AKAP7: variants seen among roughly 807,000 people sequenced by gnomAD.
The protein encoded by AKAP7 is A-kinase anchoring protein 7, also known as A kinase (PRKA) anchor protein 7.
A neutral mutation model predicts 39.5 loss-of-function variants in AKAP7; 39 were observed. The ratio of observed to expected loss-of-function variants is 0.99; its 90% confidence interval spans 0.76 to 1.29. The LOEUF is 1.29. AKAP7 is among the 50% of genes most tolerant of loss of function. The pLI is 0.00. For synonymous variants in AKAP7, 140 were observed against 139.1 expected (o/e 1.01, Z -0.05); for missense variants, 414 against 407.7 (o/e 1.02, Z -0.13).
Position 131,282,399 on chromosome 6 carries a change from G to C in AKAP7, c.*673G>C, listed in dbSNP as rs1164525344. 2.2e-5 allele frequency: 33 copies of C among 1,467,034 alleles called. No homozygotes were observed. The highest frequency in any genetic ancestry group is 3.0e-5 in the Non-Finnish European group (33 of 1,111,550). 90.9% of individuals were successfully genotyped at this position (1,467,034 alleles called of 1,614,324 possible). On this transcript the variant is annotated 3_prime_UTR_variant, in exon 8 of 8. Transcript: ENST00000431975. ...TTATTATATAATTTTTTTTTCTTAGGCAAGAAACCTATTGGAATTCGAGAC... is the reference window on the plus strand; with the variant it reads ...TTATTATATAATTTTTTTTTCTTAGCCAAGAAACCTATTGGAATTCGAGAC...
intron 5 of AKAP7, 134 bp from the exon 6 acceptor site, chr6:131,199,327 A>G: frequency 3.2e-6 from 2 of 616,362 alleles, no homozygotes; most frequent in Admixed American, 3.2e-5. Context: ...TAAAGAAAAT[A>G]TCTGAAGCAG....
intron 5 of AKAP7, chr6:131,185,145 C>CT (rs1805703359): frequency 5.1e-6 from 3 of 588,310 alleles, no homozygotes; most frequent in Non-Finnish European, 9.9e-6. Context: ...TAAACTGCTG[C>CT]TGTCCTGAGA....
At chr6:131,199,352 C>T in intron 5 of AKAP7, 109 bp from the exon 6 acceptor site, 1 of 722,754 alleles carries the variant, frequency 1.4e-6, no homozygotes, top group Non-Finnish European at 2.3e-6. Flanking sequence ...ATAAAGTAAT[C>T]TTCACTGTAA....
intron 2 of AKAP7, among the ~76,000 whole-genome samples, chr6:131,155,649 T>C (rs1802353385): frequency 6.6e-6 from 1 of 152,246 alleles, no homozygotes; most frequent in Non-Finnish European, 1.5e-5. Flanking sequence ...GAATAAATGC[T>C]TGACTTTTTT....
intron 6 of AKAP7, among the ~76,000 whole-genome samples, chr6:131,211,853 G>A (rs143058581): frequency 5.7e-4 from 87 of 151,832 alleles, no homozygotes; most frequent in African/African-American, 2.1e-3. Flanking sequence ...TTATGATAGG[G>A]TTACATTCTG....
At chr6:131,129,440 G>A in the AKAP7 span, among the ~76,000 whole-genome samples, 1 of 152,082 alleles carries the variant, frequency 6.6e-6, no homozygotes, top group East Asian at 1.9e-4. Flanking sequence ...ATATGCTGCA[G>A]GAGTATGTGT....
intron 6 of AKAP7, among the ~76,000 whole-genome samples, chr6:131,202,721 G>A (rs1288381218): frequency 6.6e-6 from 1 of 151,160 alleles, no homozygotes; most frequent in African/African-American, 2.4e-5. Flanking sequence ...TAACTAACCT[G>A]CACATTGTGC....
At chr6:131,151,380 G>A (rs1376336697) in intron 2 of AKAP7, among the ~76,000 whole-genome samples, 1 of 130,356 alleles carries the variant, frequency 7.7e-6, no homozygotes, top group Non-Finnish European at 1.6e-5. Flanking sequence ...GAGAAGGTAA[G>A]GTTTTTTTTT....
intron 5 of AKAP7, among the ~76,000 whole-genome samples, chr6:131,180,136 GA>G (rs1805017117): frequency 6.6e-6 from 1 of 152,170 alleles, no homozygotes; most frequent in Non-Finnish European, 1.5e-5. Context: ...CTGAGGCTGG[GA>G]TCTGCTCACT....
At chr6:131,150,910 G>T (rs1329211148) in intron 2 of AKAP7, among the ~76,000 whole-genome samples, 4 of 151,926 alleles carry the variant, frequency 2.6e-5, no homozygotes, top group South Asian at 2.1e-4. Flanking sequence ...GTTTCACCAG[G>T]TTTTTTCTTA....
At chr6:131,145,973 A>T (rs55887143) in intron 2 of AKAP7, among the ~76,000 whole-genome samples, 1 of 152,196 alleles carries the variant, frequency 6.6e-6, no homozygotes, top group African/African-American at 2.4e-5. Context: ...GTGTGTCACA[A>T]AATGTTGAGC....
intron 7 of AKAP7, among the ~76,000 whole-genome samples, chr6:131,270,494 C>G (rs1028195709): frequency 6.6e-6 from 1 of 152,122 alleles, no homozygotes; most frequent in African/African-American, 2.4e-5. Context: ...TGTTTCTAGT[C>G]TGGGATAATT....
At chr6:131,248,342 A>ATT (rs1812197388) in intron 7 of AKAP7, among the ~76,000 whole-genome samples, 1 of 152,204 alleles carries the variant, frequency 6.6e-6, no homozygotes, top group Non-Finnish European at 1.5e-5. Flanking sequence ...CTGGGATTTA[A>ATT]ACCCATGGTT....
chr6:131,275,494 G>A (rs565369106), intron 7 of AKAP7, among the ~76,000 whole-genome samples: 33 of 152,300 alleles, frequency 2.2e-4, no homozygotes, highest in African/African-American at 7.9e-4. Flanking sequence ...ACAGCTATCT[G>A]CAGAAATTGT....
At chr6:131,207,491 A>ATATTTTTTTTTTTTTTTTTTT (rs1554211848) in intron 6 of AKAP7, among the ~76,000 whole-genome samples, 6 of 78,806 alleles carry the variant, frequency 7.6e-5, no homozygotes, top group African/African-American at 3.0e-4. Flanking sequence ...GCTAATTAAA[A>ATATTTTTTTTTTTTTTTTTTT]TTTTTTTTTT....
Position 131,209,161 on chromosome 6 carries a change from C to T in AKAP7, c.702+9588C>T, listed in dbSNP as rs891569835. Among the ~76,000 whole-genome samples the T allele has an allele frequency of 2.7e-5, 4 of 150,668 alleles. No homozygotes were observed. In the South Asian group the frequency reaches 8.4e-4, roughly 32 times the overall value. ...CTTAGGAAATGCTGATTTGATAATT[C>T]CAGCTTAAGTGATTTTTTTTTTTGT... On this transcript the variant is annotated intron_variant, in intron 6 of 7. Transcript: ENST00000431975.
chr6:131,165,984 A>G (rs189398313), intron 4 of AKAP7, among the ~76,000 whole-genome samples: 66 of 152,348 alleles, frequency 4.3e-4, no homozygotes, highest in African/African-American at 1.2e-3. Flanking sequence ...TTTGACAGCT[A>G]TATTTCCTGA....
At chr6:131,164,146 T>C (rs752447851) in intron 3 of AKAP7, among the ~76,000 whole-genome samples, 2 of 152,218 alleles carry the variant, frequency 1.3e-5, no homozygotes, top group Non-Finnish European at 2.9e-5. Flanking sequence ...TTCTTATCTC[T>C]GCTTTTTTAT....
intron 5 of AKAP7, among the ~76,000 whole-genome samples, chr6:131,186,020 T>G (rs913270610): frequency 2.0e-5 from 3 of 152,220 alleles, no homozygotes; most frequent in Non-Finnish European, 4.4e-5. Flanking sequence ...GGGACTAACT[T>G]CATTCTTTTG....
Sources: allele counts gnomAD v4.1 joint callset (sites outside exome capture counted in the v4.1 genomes callset), GRCh38; gene constraint gnomAD v4.1.1; transcripts MANE v1.5; gene names NCBI Gene and HGNC (gene_info 2026-07-23, HGNC 2026-07-21).